The following MTHFD1L variants were observed in gnomAD, a reference collection of about 807,000 sequenced individuals.
MTHFD1L encodes methylenetetrahydrofolate dehydrogenase (NADP+ dependent) 1 like, also known as monofunctional C1-tetrahydrofolate synthase, mitochondrial.
In MTHFD1L, 81 loss-of-function variants were observed where a neutral mutation model predicts 119.5. The observed-to-expected ratio is 0.68, with a 90% CI of 0.57 to 0.82. The LOEUF (loss-of-function observed/expected upper bound fraction) is 0.82. MTHFD1L is among the 40% of genes least tolerant of loss of function. The probability of loss-of-function intolerance (pLI) is 0.00; values close to 1 mark genes in which losing one functional copy is unlikely to be tolerated. For synonymous variants in MTHFD1L, 430 were observed against 475.2 expected, an observed-to-expected ratio of 0.90 and a Z score of 1.24; for missense variants, 1,125 against 1,253.4, an observed-to-expected ratio of 0.90 and a Z score of 1.55.
intron 11 of MTHFD1L, among the ~76,000 whole-genome samples, chr6:150,932,822 G>GGAAGGAAA (rs796310576): frequency 2.8e-5 from 4 of 142,322 alleles, no homozygotes; most frequent in Non-Finnish European, 4.6e-5. Context: ...GAGGGAGGAA[G>GGAAGGAAA]GAAGGAAGGA....
At chr6:151,095,647 G>GGCCTAT (rs2128661364) in intron 27 of MTHFD1L, among the ~76,000 whole-genome samples, 2 of 152,370 alleles carry the variant, frequency 1.3e-5, no homozygotes, top group East Asian at 3.9e-4. Flanking sequence ...GCAGGACACA[G>GGCCTAT]GCCTATGGTA....
At chr6:151,032,501 T>C (rs1998263) in intron 24 of MTHFD1L, among the ~76,000 whole-genome samples, 3 of 152,184 alleles carry the variant, frequency 2.0e-5, no homozygotes, top group South Asian at 2.1e-4. Context: ...ACCTCCCACC[T>C]GGCCCCACCT....
intron 7 of MTHFD1L, among the ~76,000 whole-genome samples, chr6:150,902,948 C>T (rs137988527): frequency 1.8e-3 from 276 of 152,164 alleles, no homozygotes; most frequent in Middle Eastern, 0.01. Context: ...AGCAAAATGG[C>T]GTTTCTTATC....
At chr6:150,910,555 CA>C (rs60500917) in intron 8 of MTHFD1L, among the ~76,000 whole-genome samples, 371 of 83,326 alleles carry the variant, frequency 4.5e-3, no homozygotes, top group Admixed American at 5.1e-3. Flanking sequence ...AACTCCATCT[CA>C]AAAAAAAAAA....
chr6:151,076,804 A>G (rs1285577576), intron 26 of MTHFD1L, among the ~76,000 whole-genome samples: 1 of 152,230 alleles, frequency 6.6e-6, no homozygotes, highest in African/African-American at 2.4e-5. Context: ...TGCACCTGCC[A>G]TATAGTCAAG....
At chr6:150,998,989 T>TTA (rs1562515908) in intron 20 of MTHFD1L, among the ~76,000 whole-genome samples, 1 of 147,836 alleles carries the variant, frequency 6.8e-6, no homozygotes, top group East Asian at 1.9e-4. Context: ...GACCCTGTCT[T>TTA]AAAAAAATAT....
chr6:150,931,546 C>T (rs906273527), intron 11 of MTHFD1L, among the ~76,000 whole-genome samples: 2 of 152,024 alleles, frequency 1.3e-5, no homozygotes, highest in Admixed American at 6.6e-5. Context: ...CCAAATGCAC[C>T]ATGGGGTTTA....
chr6:150,885,596 G>T, intron 5 of MTHFD1L, 38 bp from the exon 6 acceptor site: 1 of 1,532,328 alleles, frequency 6.5e-7, no homozygotes, highest in South Asian at 1.1e-5. Flanking sequence ...TTTTTGGCTG[G>T]GCTTTGACTT....
intron 27 of MTHFD1L, among the ~76,000 whole-genome samples, chr6:151,100,749 T>TA (rs1795304264): frequency 6.6e-6 from 1 of 152,022 alleles, no homozygotes; most frequent in Non-Finnish European, 1.5e-5. Flanking sequence ...AAAGCTTTAA[T>TA]ACTAAGTTCC....
At chr6:151,093,113 A>C (rs955624955) in intron 27 of MTHFD1L, among the ~76,000 whole-genome samples, 1 of 152,292 alleles carries the variant, frequency 6.6e-6, no homozygotes, top group African/African-American at 2.4e-5. Context: ...TAGAAGTCCA[A>C]AGTCAAGGTG....
At chr6:151,089,831 T>A (rs938471856) in intron 26 of MTHFD1L, among the ~76,000 whole-genome samples, 1 of 152,212 alleles carries the variant, frequency 6.6e-6, no homozygotes, top group African/African-American at 2.4e-5. Context: ...CAGAGGAAAA[T>A]GTTACCTTCC....
chr6:150,888,233 G>A lies in MTHFD1L; in HGVS notation c.780+252G>A, dbSNP rs373947747. 6.6e-4 allele frequency among the ~76,000 whole-genome samples: 100 copies of A among 152,160 alleles called. 5 individuals are homozygous for A. In the South Asian group the frequency reaches 0.017, roughly 26 times the overall value. On this transcript the variant is annotated intron_variant, in intron 7 of 27. Transcript: ENST00000367321. ...AATACAATCCTTTTCTCCAGCAAAT[G>A]GAAAAAGAAGGAACGTGGCCTAACA...
At chr6:150,965,784 T>C (rs1283052430) in intron 19 of MTHFD1L, among the ~76,000 whole-genome samples, 4 of 152,262 alleles carry the variant, frequency 2.6e-5, no homozygotes, top group African/African-American at 4.8e-5. Context: ...TTTGGTTTGC[T>C]TTTTTATTGT....
rs1200572208 is a variant in MTHFD1L at position 150,994,699 on chromosome 6, A to G, written c.2126-15120A>G. ...AGAGTTTAGGACACATCCAATAGTA[A>G]GAGTGTAGTTTTATAAATCAGGACT... On this transcript the variant is annotated intron_variant, in intron 20 of 27. Coordinates refer to ENST00000367321, the MANE Select transcript of MTHFD1L (RefSeq NM_015440.5). 3.3e-5 allele frequency among the ~76,000 whole-genome samples: 5 copies of G among 152,248 alleles called. No individual in the cohort carries two copies. In the East Asian group the frequency reaches 5.8e-4, roughly 18 times the overall value.
intron 23 of MTHFD1L, among the ~76,000 whole-genome samples, chr6:151,015,206 CTTTT>C (rs58646889): frequency 5.2e-5 from 4 of 76,932 alleles, no homozygotes; most frequent in African/African-American, 1.2e-4. Flanking sequence ...ATCTCCTTGG[CTTTT>C]TTTTTTTTTT....
At chr6:151,098,762 G>A (rs899129383) in intron 27 of MTHFD1L, among the ~76,000 whole-genome samples, 13 of 152,058 alleles carry the variant, frequency 8.5e-5, no homozygotes, top group Admixed American at 4.6e-4. Context: ...TTCTTCCAAC[G>A]CATAAGCAAT....
rs1012227112 is a variant in MTHFD1L, at chr6:150,926,477, G to A, written c.1256+182G>A. ...TTTATTTTCAGTGCAGAGCAAACTAGTCGACTCTACACAAGATAAAGTCAA... is the reference window on the plus strand; with the variant it reads ...TTTATTTTCAGTGCAGAGCAAACTAATCGACTCTACACAAGATAAAGTCAA... On this transcript the variant is annotated intron_variant, in intron 11 of 27. Transcript: ENST00000367321. This position sits in a 1 kb window ranked among gnomAD's most constrained non-coding sequence, Gnocchi z 4.3. Among the ~76,000 whole-genome samples, 4 of 152,144 alleles carry A rather than the reference G, an allele frequency of 2.6e-5. No homozygotes were observed. Among genetic ancestry groups the A allele is most frequent in the Admixed American group, 6.5e-5 (1 of 15,284 alleles).
intron 19 of MTHFD1L, among the ~76,000 whole-genome samples, chr6:150,969,911 A>G (rs1164599014): frequency 6.6e-6 from 1 of 152,236 alleles, no homozygotes; most frequent in East Asian, 1.9e-4. Flanking sequence ...ACCTTTTTAC[A>G]AAATAAAACA....
chr6:150,866,015 G>T lies in MTHFD1L; in HGVS notation c.193G>T (p.Gly65Cys), dbSNP rs756893441. Residue 65 changes from glycine (G) to cysteine (C), a missense_variant, in exon 1 of 28, where the codon GGC (glycine) becomes TGC (cysteine). By Grantham distance (159) the Gly-to-Cys change is radical. Transcript: ENST00000367321. Reference sequence around the variant, plus strand: ...GGCCCGGAGCAGCTGCAGCCCCGGCGGCCGAACGCCCGCGGCGCGGGACTC... The same window carrying T: ...GGCCCGGAGCAGCTGCAGCCCCGGCTGCCGAACGCCCGCGGCGCGGGACTC... ...GQARSSCSPG[G>C]RTPAARDSIV... 58 of 1,392,760 alleles carry T rather than the reference G, an allele frequency of 4.2e-5. No homozygotes were observed. The highest frequency in any genetic ancestry group is 4.6e-6 in the Non-Finnish European group (5 of 1,078,466). 86.3% of individuals were successfully genotyped at this position (1,392,760 alleles called of 1,614,324 possible).
Sources: allele counts gnomAD v4.1 joint callset (sites outside exome capture counted in the v4.1 genomes callset), GRCh38; gene constraint gnomAD v4.1.1; non-coding constraint Gnocchi (gnomAD v3.1); transcripts MANE v1.5; gene names NCBI Gene and HGNC (gene_info 2026-07-23, HGNC 2026-07-21).